The following LY96 variants were observed in gnomAD, a reference collection of about 807,000 sequenced individuals.
The protein encoded by LY96 is myeloid differentiation protein-2.
A neutral mutation model predicts 18.9 loss-of-function variants in LY96; 18 were observed. The observed-to-expected ratio is 0.95, with a 90% confidence interval of 0.66 to 1.41. The LOEUF is 1.41. LY96 is among the 40% of genes most tolerant of loss of function. The probability of loss-of-function intolerance (pLI) is 0.00; values close to 1 mark genes in which losing one functional copy is unlikely to be tolerated. For missense variants in LY96, 175 were observed against 182.4 expected (o/e 0.96, Z 0.23); for synonymous variants, 66 against 62.6 (o/e 1.06, Z -0.26).
chr8:73,997,496 G>A (rs1816175366), intron 1 of LY96, among the ~76,000 whole-genome samples: 2 of 152,280 alleles, frequency 1.3e-5, no homozygotes, highest in South Asian at 4.1e-4. Flanking sequence ...CCCTCCTGCT[G>A]AAAATCCTCC....
chr8:74,005,218 C>A (rs1816387290), intron 2 of LY96, among the ~76,000 whole-genome samples: 2 of 152,200 alleles, frequency 1.3e-5, no homozygotes, highest in Admixed American at 6.5e-5. Flanking sequence ...AGTATTCAGT[C>A]CCTTGCTGGC....
intron 3 of LY96, among the ~76,000 whole-genome samples, chr8:74,025,585 G>A (rs1464697118): frequency 1.3e-5 from 2 of 151,098 alleles, no homozygotes; most frequent in Admixed American, 1.3e-4. Flanking sequence ...AACCCAGGAG[G>A]CGGAGCTTGC....
At chr8:74,001,170 T>G in intron 1 of LY96, among the ~76,000 whole-genome samples, 1 of 151,922 alleles carries the variant, frequency 6.6e-6, no homozygotes, top group East Asian at 1.9e-4. Context: ...CTCTACACTT[T>G]AGGAGTTGGA....
At chr8:74,068,673 A>G in the LY96 span, among the ~76,000 whole-genome samples, 50 of 152,206 alleles carry the variant, frequency 3.3e-4, no homozygotes, top group Non-Finnish European at 5.7e-4. Flanking sequence ...TTGTGGTTTC[A>G]ATTTGCAATG....
the LY96 span, among the ~76,000 whole-genome samples, chr8:74,078,916 C>G: frequency 1.3e-5 from 2 of 152,196 alleles, no homozygotes; most frequent in African/African-American, 4.8e-5. Context: ...CTCTCTCTCT[C>G]TCTTTTTTTG....
chr8:74,030,930 C>G (rs1816959981), downstream of LY96, among the ~76,000 whole-genome samples: 1 of 152,186 alleles, frequency 6.6e-6, no homozygotes, highest in Admixed American at 6.5e-5. Flanking sequence ...CATGGAGAAT[C>G]CCCGAGTACC....
the LY96 span, among the ~76,000 whole-genome samples, chr8:74,069,970 T>G: frequency 0.058 from 8,806 of 152,262 alleles, 351 homozygotes; most frequent in African/African-American, 0.11. Flanking sequence ...TTTAATTAAT[T>G]CAGTTATTCT....
At chr8:73,992,877 A>T (rs866408089) in intron 1 of LY96, among the ~76,000 whole-genome samples, 9 of 105,748 alleles carry the variant, frequency 8.5e-5, no homozygotes, top group Admixed American at 6.7e-4. Context: ...TGTGTGTGTG[A>T]CAGAGTTTTG....
At chr8:74,005,013 T>C in intron 2 of LY96, 128 bp downstream of exon 2, 1 of 989,002 alleles carries the variant, frequency 1.0e-6, no homozygotes, top group East Asian at 2.7e-5. Flanking sequence ...ACGATCTTTG[T>C]GGCTTAACAC....
chr8:74,016,607 AG>A (rs1816647395), intron 3 of LY96, among the ~76,000 whole-genome samples: 1 of 152,188 alleles, frequency 6.6e-6, no homozygotes, highest in Admixed American at 6.5e-5. Context: ...GACACCTCCT[AG>A]TAGGGGCTTA....
chr8:74,002,072 TTC>T lies in LY96; in HGVS notation c.113-2723_113-2722del, dbSNP rs1563710840. On this transcript the variant is annotated intron_variant, in intron 1 of 4. Coordinates refer to ENST00000284818, the MANE Select transcript of LY96 (RefSeq NM_015364.5). ...CTTCCTTCCTTCCTTCCTTCCTTCC[TTC>T]CTTTCTTTCTTTCTTTCTTTCTCTC... Among the ~76,000 whole-genome samples, 71 of 33,126 alleles carry T rather than the reference TTC, an allele frequency of 2.1e-3. 10 individuals are homozygous for T. The highest frequency in any genetic ancestry group is 2.8e-3 in the African/African-American group (14 of 5,060). The allele number at this position is 33,126 out of a possible 152,430, so 21.7% of individuals were successfully genotyped here. A position where few individuals can be genotyped will look rare whatever the true frequency, so the allele number is the denominator to read the frequency against.
At chr8:74,091,223 T>C in the LY96 span, among the ~76,000 whole-genome samples, 1 of 152,210 alleles carries the variant, frequency 6.6e-6, no homozygotes, top group Non-Finnish European at 1.5e-5. Context: ...TTCCTCCAGC[T>C]GTGGGCTGTC....
At chr8:74,033,500 TC>T (rs1817003228), downstream of LY96, among the ~76,000 whole-genome samples, 1 of 152,190 alleles carries the variant, frequency 6.6e-6, no homozygotes, top group Non-Finnish European at 1.5e-5. Context: ...AGGGTCTTGC[TC>T]CCTGACGAAT....
downstream of LY96, among the ~76,000 whole-genome samples, chr8:74,032,590 AGAG>A (rs1816988394): frequency 6.6e-6 from 1 of 152,188 alleles, no homozygotes; most frequent in Non-Finnish European, 1.5e-5. Context: ...GCTCAGTCGG[AGAG>A]CTCGGTTTTT....
the LY96 span, among the ~76,000 whole-genome samples, chr8:74,045,758 G>A: frequency 2.6e-5 from 4 of 152,236 alleles, no homozygotes; most frequent in East Asian, 1.9e-4. Flanking sequence ...AGCAAAAAGC[G>A]AAGACCGCCC....
At chr8:74,005,279 C>T (rs942479324) in intron 2 of LY96, among the ~76,000 whole-genome samples, 1 of 152,198 alleles carries the variant, frequency 6.6e-6, no homozygotes, top group Non-Finnish European at 1.5e-5. Flanking sequence ...AGTATGGCTG[C>T]TTGCTTTTTC....
the LY96 span, among the ~76,000 whole-genome samples, chr8:74,058,874 C>T: frequency 2.0e-5 from 3 of 152,124 alleles, no homozygotes; most frequent in East Asian, 3.9e-4. Flanking sequence ...ATGAGAAGTC[C>T]CACAGTTTGC....
At chr8:74,042,933 C>T in the LY96 span, among the ~76,000 whole-genome samples, 1 of 152,034 alleles carries the variant, frequency 6.6e-6, no homozygotes, top group Non-Finnish European at 1.5e-5. Flanking sequence ...TGTGCCACCA[C>T]ACCCTGCTAA....
At chr8:74,069,078 G>A in the LY96 span, among the ~76,000 whole-genome samples, 47 of 152,280 alleles carry the variant, frequency 3.1e-4, no homozygotes, top group Middle Eastern at 3.4e-3. Context: ...GAGCCATTGC[G>A]CCTGGCCAGA....
Sources: gnomAD v4.1 joint callset for allele counts (sites outside exome capture counted in the v4.1 genomes callset) on GRCh38, gnomAD v4.1.1 for gene constraint, MANE v1.5 for transcripts, NCBI Gene and HGNC (gene_info 2026-07-23, HGNC 2026-07-21) for gene names.